ZNF469: variants seen among roughly 807,000 people sequenced by gnomAD.
ZNF469 encodes zinc finger protein 469.
In ZNF469, 1 loss-of-function variant was observed where a neutral mutation model predicts 1.0. The observed-to-expected ratio is 1.00, with a 90% confidence interval of 0.35 to 4.73. ZNF469 has a LOEUF of 4.73. Among genes scored for constraint, ZNF469 ranks in the 30% most tolerant of loss-of-function variants. ZNF469 has a pLI of 0.16. For missense variants in ZNF469, 6,100 were observed against 5,356.3 expected, an observed-to-expected ratio of 1.14 and a Z score of -4.33; for synonymous variants, 2,703 against 2,363.4, an observed-to-expected ratio of 1.14 and a Z score of -4.17.
the ZNF469 span, among the ~76,000 whole-genome samples, chr16:88,369,553 C>T: frequency 4.6e-5 from 7 of 152,336 alleles, no homozygotes; most frequent in East Asian, 1.9e-4. Flanking sequence ...TGTGACCCTG[C>T]GCAAGTCACT....
At chr16:88,254,659 G>A in the ZNF469 span, among the ~76,000 whole-genome samples, 1 of 152,236 alleles carries the variant, frequency 6.6e-6, no homozygotes, top group Non-Finnish European at 1.5e-5. Flanking sequence ...TCCGGAGGCT[G>A]AGGCAGGAGA....
At chr16:88,309,946 G>T in the ZNF469 span, among the ~76,000 whole-genome samples, 2 of 152,182 alleles carry the variant, frequency 1.3e-5, no homozygotes, top group African/African-American at 4.8e-5. Flanking sequence ...TCCCTCCACT[G>T]CCCAGGGTAG....
chr16:88,261,492 C>G, the ZNF469 span, among the ~76,000 whole-genome samples: 1 of 152,216 alleles, frequency 6.6e-6, no homozygotes, highest in Non-Finnish European at 1.5e-5. This position sits in a 1 kb window ranked among gnomAD's most constrained non-coding sequence, Gnocchi z 6.0. Flanking sequence ...TGGCCTCACC[C>G]AGTTCTGCTG....
the ZNF469 span, among the ~76,000 whole-genome samples, chr16:88,232,390 C>T: frequency 2.0e-5 from 3 of 152,192 alleles, no homozygotes; most frequent in Middle Eastern, 3.2e-3. Flanking sequence ...ACAGCTCCCC[C>T]TCCCACCACC....
At chr16:88,189,978 G>C in the ZNF469 span, among the ~76,000 whole-genome samples, 3 of 152,132 alleles carry the variant, frequency 2.0e-5, no homozygotes, top group African/African-American at 7.2e-5. The surrounding 1 kb of genome is among the most constrained non-coding windows in gnomAD (Gnocchi z 4.3). Context: ...ACCAGACTCT[G>C]GGGAACTTTC....
chr16:88,219,889 C>G, the ZNF469 span, among the ~76,000 whole-genome samples: 6 of 152,176 alleles, frequency 3.9e-5, no homozygotes, highest in Non-Finnish European at 8.8e-5. Flanking sequence ...TCAAGGTTCT[C>G]AGCCTCCTGC....
the ZNF469 span, among the ~76,000 whole-genome samples, chr16:88,190,598 G>A: frequency 9.2e-5 from 14 of 152,154 alleles, no homozygotes; most frequent in Non-Finnish European, 1.5e-5. Context: ...GGGCAATGGG[G>A]AGCTATTGAA....
the ZNF469 span, among the ~76,000 whole-genome samples, chr16:88,116,455 C>A: frequency 5.3e-5 from 8 of 152,266 alleles, no homozygotes; most frequent in African/African-American, 1.9e-4. Flanking sequence ...ACAGTTTCAC[C>A]CAAAAGTAAA....
chr16:88,228,653 A>T, the ZNF469 span, among the ~76,000 whole-genome samples: 1 of 152,196 alleles, frequency 6.6e-6, no homozygotes, highest in Admixed American at 6.5e-5. Context: ...AAAACACATA[A>T]AAGTAGATAA....
At chr16:88,185,180 C>A in the ZNF469 span, among the ~76,000 whole-genome samples, 1 of 149,250 alleles carries the variant, frequency 6.7e-6, no homozygotes, top group Non-Finnish European at 1.5e-5. Context: ...GACATGGATA[C>A]ACAGGCACAC....
rs757252816 is a variant in ZNF469 at position 88,430,077 on chromosome 16, G to A, written c.2607G>A (p.Ala869=). The A allele has an allele frequency of 2.6e-5, 41 of 1,550,246 alleles. 1 individual carries two copies. Among genetic ancestry groups the A allele is most frequent in the Middle Eastern group, 1.7e-4 (1 of 6,014 alleles). The change falls in exon 3 of 3, where the codon GCG becomes GCA. Residue 869 remains alanine (A), a synonymous_variant. Coordinates refer to ENST00000565624, the MANE Select transcript of ZNF469 (RefSeq NM_001367624.2). Reference sequence around the variant, plus strand: ...ACAGCAGCTTCATCGACGTCTTCGCGGACGAGGAGCCTTCCGGCCCCAGAG... The same window carrying A: ...ACAGCAGCTTCATCGACGTCTTCGCAGACGAGGAGCCTTCCGGCCCCAGAG... ...EIDSSFIDVF[A]DEEPSGPRGP...
the ZNF469 span, among the ~76,000 whole-genome samples, chr16:88,311,624 C>T: frequency 1.3e-5 from 2 of 152,134 alleles, no homozygotes; most frequent in Non-Finnish European, 2.9e-5. Flanking sequence ...CTGTGCTGGG[C>T]TCCAACTGAG....
the ZNF469 span, among the ~76,000 whole-genome samples, chr16:88,166,075 C>T: frequency 1.3e-5 from 2 of 152,274 alleles, no homozygotes; most frequent in Non-Finnish European, 1.5e-5. This position sits in a 1 kb window ranked among gnomAD's most constrained non-coding sequence, Gnocchi z 4.5. Context: ...GACCCTTGTC[C>T]CACGGTCACT....
the ZNF469 span, among the ~76,000 whole-genome samples, chr16:88,133,936 A>G: frequency 2.0e-5 from 3 of 152,218 alleles, no homozygotes; most frequent in Non-Finnish European, 4.4e-5. Context: ...TCTACTAAAA[A>G]TACAAAAAAT....
the ZNF469 span, among the ~76,000 whole-genome samples, chr16:88,218,402 C>T: frequency 6.6e-6 from 1 of 150,486 alleles, no homozygotes; most frequent in African/African-American, 2.4e-5. Flanking sequence ...TGCCTGTTCA[C>T]TCTGATGGTA....
chr16:88,344,266 G>A, the ZNF469 span, among the ~76,000 whole-genome samples: 12,127 of 151,416 alleles, frequency 0.08, 502 homozygotes, highest in East Asian at 0.15. Flanking sequence ...ATGGGGGGGC[G>A]GGTTCCGAAC....
At chr16:88,246,527 C>T in the ZNF469 span, among the ~76,000 whole-genome samples, 4 of 152,356 alleles carry the variant, frequency 2.6e-5, no homozygotes, top group South Asian at 2.1e-4. Flanking sequence ...CTCGTTCTCA[C>T]ACTTCAGCCT....
At chr16:88,380,958 A>C (rs1340741177), upstream of ZNF469, among the ~76,000 whole-genome samples, 6 of 145,342 alleles carry the variant, frequency 4.1e-5, no homozygotes, top group South Asian at 9.1e-4. Flanking sequence ...ACGCCCTCAC[A>C]CACAGACATG....
the ZNF469 span, among the ~76,000 whole-genome samples, chr16:88,118,924 G>A: frequency 6.6e-6 from 1 of 152,214 alleles, no homozygotes; most frequent in African/African-American, 2.4e-5. Flanking sequence ...ATTCCACGGA[G>A]ATGCAGTTCA....
Sources: allele counts gnomAD v4.1 joint callset (sites outside exome capture counted in the v4.1 genomes callset), GRCh38; gene constraint gnomAD v4.1.1; non-coding constraint Gnocchi (gnomAD v3.1); transcripts MANE v1.5; gene names NCBI Gene and HGNC (gene_info 2026-07-23, HGNC 2026-07-21).